Variants in TAOK3 observed in about 807,000 individuals in gnomAD.
The protein encoded by TAOK3 is TAO kinase 3.
In TAOK3, 40 loss-of-function variants were observed where a neutral mutation model predicts 120.4. The observed-to-expected ratio is 0.33, with a 90% confidence interval of 0.26 to 0.43. TAOK3 has a LOEUF of 0.43. TAOK3 is among the 20% of genes least tolerant of loss of function. TAOK3 has a pLI of 1.00. For synonymous variants in TAOK3, 355 were observed against 387.5 expected, an observed-to-expected ratio of 0.92 and a Z score of 0.99; for missense variants, 821 against 1,112.1, an observed-to-expected ratio of 0.74 and a Z score of 3.72.
intron 1 of TAOK3, among the ~76,000 whole-genome samples, chr12:118,271,371 T>G (rs1196389417): frequency 6.6e-6 from 1 of 152,200 alleles, no homozygotes; most frequent in African/African-American, 2.4e-5. Context: ...CTAAGAAATT[T>G]ACTAACATAC....
chr12:118,308,507 T>G (rs2043135435), intron 1 of TAOK3, among the ~76,000 whole-genome samples: 1 of 152,136 alleles, frequency 6.6e-6, no homozygotes. Context: ...AATCAGTTAT[T>G]ATTATTCTGA....
intron 9 of TAOK3, among the ~76,000 whole-genome samples, chr12:118,215,323 G>A (rs1398990764): frequency 4.6e-5 from 5 of 109,064 alleles, no homozygotes; most frequent in Middle Eastern, 4.8e-3. Context: ...GTGAAAGCCC[G>A]TCTCTACAAA....
intron 1 of TAOK3, among the ~76,000 whole-genome samples, chr12:118,315,420 A>G (rs1304904163): frequency 6.6e-6 from 1 of 151,548 alleles, no homozygotes; most frequent in Non-Finnish European, 1.5e-5. Flanking sequence ...TATGCAGGAT[A>G]TATTCAAATT....
chr12:118,238,517 G>A (rs1343969020), intron 6 of TAOK3, among the ~76,000 whole-genome samples: 1 of 152,010 alleles, frequency 6.6e-6, no homozygotes, highest in Non-Finnish European at 1.5e-5. Flanking sequence ...AGTGTTCTAG[G>A]TTACATTTTC....
chr12:118,188,637 T>C (rs1274023620), intron 14 of TAOK3, among the ~76,000 whole-genome samples: 1 of 152,194 alleles, frequency 6.6e-6, no homozygotes, highest in African/African-American at 2.4e-5. Flanking sequence ...TCCATTATAA[T>C]TTTCAAAGAT....
At chr12:118,159,838 C>G in intron 19 of TAOK3, 1 of 378,772 alleles carries the variant, frequency 2.6e-6, no homozygotes. Context: ...GGAGGGCAGT[C>G]AGTAAAATCT....
At chr12:118,158,283 T>C (rs942020539) in intron 19 of TAOK3, among the ~76,000 whole-genome samples, 2 of 152,114 alleles carry the variant, frequency 1.3e-5, no homozygotes, top group Non-Finnish European at 2.9e-5. Context: ...ATACCTCCCG[T>C]CCCCAGCAGA....
chr12:118,177,408 AAG>A, intron 15 of TAOK3, 79 bp from the exon 16 acceptor site: 1 of 1,262,382 alleles, frequency 7.9e-7, no homozygotes, highest in Non-Finnish European at 1.1e-6. Flanking sequence ...CCAGTGCAGT[AAG>A]ACAGTCCATG....
At chr12:118,290,194 A>G (rs1374011938) in intron 1 of TAOK3, among the ~76,000 whole-genome samples, 2 of 152,134 alleles carry the variant, frequency 1.3e-5, no homozygotes, top group Non-Finnish European at 2.9e-5. Flanking sequence ...TGTAAGATCC[A>G]AACTCCTTGT....
At chr12:118,151,360 G>C (rs937346184) in intron 20 of TAOK3, among the ~76,000 whole-genome samples, 2 of 152,096 alleles carry the variant, frequency 1.3e-5, no homozygotes, top group African/African-American at 4.8e-5. Context: ...TGAGTCCTGT[G>C]ATCAATGCAT....
chr12:118,229,368 G>A (rs2039658881), intron 9 of TAOK3, among the ~76,000 whole-genome samples: 1 of 152,112 alleles, frequency 6.6e-6, no homozygotes, highest in South Asian at 2.1e-4. Context: ...CCAAAGTGCT[G>A]GGATTACAGG....
intron 2 of TAOK3, among the ~76,000 whole-genome samples, chr12:118,262,297 G>A (rs1296630859): frequency 6.6e-6 from 1 of 151,346 alleles, no homozygotes; most frequent in Non-Finnish European, 1.5e-5. Context: ...GCCTGGCCAA[G>A]ATGATGAAAC....
chr12:118,272,145 G>C (rs1454868004), intron 1 of TAOK3, among the ~76,000 whole-genome samples: 1 of 152,016 alleles, frequency 6.6e-6, no homozygotes, highest in Non-Finnish European at 1.5e-5. Context: ...CTTACTATAA[G>C]AAAGAACACT....
chr12:118,329,116 A>C (rs527729244), intron 1 of TAOK3, among the ~76,000 whole-genome samples: 32 of 152,270 alleles, frequency 2.1e-4, no homozygotes, highest in Admixed American at 5.2e-4. Flanking sequence ...AAGCCAAAAG[A>C]TATTTGAGGA....
rs143358013 is a variant in TAOK3 at position 118,194,993 on chromosome 12, C to T, written c.1194+4058G>A. Among the ~76,000 whole-genome samples, 201 of 152,240 alleles carry T rather than the reference C, an allele frequency of 1.3e-3. 4 individuals are homozygous for T. The East Asian group carries it at 0.035, about 26-fold the overall frequency. ...CGAACTCCTGAACTCTTGATCCACC[C>T]GCCTTGGCCTCCCAAAGTGCTGAGA... On this transcript the variant is annotated intron_variant, in intron 13 of 20. Coordinates refer to ENST00000392533, the MANE Select transcript of TAOK3 (RefSeq NM_016281.4).
chr12:118,305,601 T>G (rs1429014136), intron 1 of TAOK3, among the ~76,000 whole-genome samples: 1 of 152,186 alleles, frequency 6.6e-6, no homozygotes, highest in Non-Finnish European at 1.5e-5. Flanking sequence ...TTTTACTATT[T>G]TATGCATGTC....
chr12:118,195,753 AAAG>A (rs985989035), intron 13 of TAOK3, among the ~76,000 whole-genome samples: 3 of 152,314 alleles, frequency 2.0e-5, no homozygotes, highest in African/African-American at 7.2e-5. Flanking sequence ...TCTTGCTCAA[AAAG>A]AAGACTGGAT....
chr12:118,332,938 A>G (rs915818092), intron 1 of TAOK3, among the ~76,000 whole-genome samples: 4 of 151,328 alleles, frequency 2.6e-5, no homozygotes, highest in Admixed American at 2.6e-4. Context: ...AAGGTGACAT[A>G]GTAATTTTAA....
intron 9 of TAOK3, among the ~76,000 whole-genome samples, chr12:118,227,474 C>T (rs2039564480): frequency 6.6e-6 from 1 of 151,580 alleles, no homozygotes. Flanking sequence ...TTTATATGGC[C>T]TAAAACATAA....
Sources: allele counts gnomAD v4.1 joint callset (sites outside exome capture counted in the v4.1 genomes callset), GRCh38; gene constraint gnomAD v4.1.1; transcripts MANE v1.5; gene names NCBI Gene and HGNC (gene_info 2026-07-23, HGNC 2026-07-21).